The following COL17A1 variants were observed in gnomAD, a reference collection of about 807,000 sequenced individuals.
COL17A1 encodes the protein collagen alpha-1(XVII) chain.
In COL17A1, 181 loss-of-function variants were observed where a neutral mutation model predicts 218.4. The observed-to-expected ratio is 0.83, with a 90% CI of 0.73 to 0.94. The LOEUF is 0.94. COL17A1 is among the 40% of genes least tolerant of loss of function. The pLI is 0.00. For synonymous variants in COL17A1, 721 were observed against 731.0 expected (o/e 0.99, Z 0.22); for missense variants, 1,924 against 1,945.9 (o/e 0.99, Z 0.21).
chr10:104,043,335 C>T (rs1239742123), intron 35 of COL17A1, among the ~76,000 whole-genome samples, 166 bp downstream of exon 35: 1 of 152,186 alleles, frequency 6.6e-6, no homozygotes, highest in Non-Finnish European at 1.5e-5. Context: ...ACTGATCTAC[C>T]TCATTGTCTG....
At chr10:104,053,234 C>A in intron 22 of COL17A1, 99 bp from the exon 23 acceptor site, 2 of 1,310,996 alleles carry the variant, frequency 1.5e-6, no homozygotes. Context: ...TGGAGCCCTT[C>A]CCTGGCCTCC....
intron 55 of COL17A1, 46 bp from the exon 56 acceptor site, chr10:104,032,336 CT>C: frequency 6.4e-7 from 1 of 1,556,668 alleles, no homozygotes; most frequent in Non-Finnish European, 8.9e-7. Context: ...ATCTTGTGGC[CT>C]GTGGGGATCT....
At chr10:104,047,893 G>A in intron 30 of COL17A1, 83 bp from the exon 31 acceptor site, 1 of 1,433,892 alleles carries the variant, frequency 7.0e-7, no homozygotes, top group Non-Finnish European at 9.8e-7. Context: ...TAGTTTCTGA[G>A]GGTTTTCCTA....
In COL17A1 at chr10:104,071,956, G is replaced by GCACACA. The variant is rs112689627; in HGVS notation, c.463+70_463+75dup. ...TGCATGCATGCACACACACACGCAT[G>GCACACA]CACACACACACACACACACAGCACT... is the stretch of plus-strand genomic sequence containing the variant. On this transcript the variant is annotated intron_variant, in intron 8 of 55. Transcript: ENST00000648076. 17 of 1,407,672 alleles carry GCACACA rather than the reference G, an allele frequency of 1.2e-5. No homozygotes were observed. The African/African-American group carries it at 1.8e-4, about 15-fold the overall frequency. 87.2% of individuals were successfully genotyped at this position (1,407,672 alleles called of 1,614,324 possible).
chr10:104,035,817 AGT>A (rs1191290657), intron 48 of COL17A1, among the ~76,000 whole-genome samples: 2,571 of 18,558 alleles, frequency 0.14, 82 homozygotes, highest in African/African-American at 0.26. Context: ...TATGGGAGTG[AGT>A]GTGTGTGTGT....
chr10:104,039,678 T>A, intron 41 of COL17A1, 38 bp from the exon 42 acceptor site: 1 of 1,613,910 alleles, frequency 6.2e-7, no homozygotes, highest in Middle Eastern at 1.7e-4. Context: ...TCAGCCTCAC[T>A]TTTCTCACCC....
rs2134585473 is a variant in COL17A1, at chr10:104,041,069, G to C, written c.2697C>G (p.Asn899Lys). 6.2e-7 allele frequency: 1 copy of C among 1,614,176 alleles called. No homozygotes were observed. Among genetic ancestry groups the C allele is most frequent in the East Asian group, 2.2e-5 (1 of 44,882 alleles). ...PPGPPGSFLSNSETFLSGPPG... is the reference protein window; with the variant it reads ...PPGPPGSFLSKSETFLSGPPG... ...GACTTGACTCCCTGACATTACCTGA[G>C]TTGGACAGGAACGATCCTGGTGGGC... is the stretch of plus-strand genomic sequence containing the variant. Residue 899 changes from asparagine (N) to lysine (K), a missense_variant, in exon 39 of 56, where the codon AAC (asparagine) becomes AAG (lysine). Asn to Lys is a moderately conservative substitution (Grantham distance 94). Coordinates refer to ENST00000648076, the MANE Select transcript of COL17A1 (RefSeq NM_000494.4).
intron 45 of COL17A1, 25 bp from the exon 46 acceptor site, chr10:104,037,798 G>C (rs557971362): frequency 1.9e-6 from 3 of 1,611,636 alleles, no homozygotes; most frequent in South Asian, 2.2e-5. Flanking sequence ...ACAAAGCAAA[G>C]TCAAGCCTGT....
chr10:104,057,300 T>C (rs1260191952), intron 16 of COL17A1, 128 bp from the exon 17 acceptor site: 2 of 1,449,420 alleles, frequency 1.4e-6, no homozygotes, highest in African/African-American at 2.8e-5. Flanking sequence ...TCCTGTGCTG[T>C]TCCACCCAGG....
At position 104,050,248 on chromosome 10, in the gene COL17A1, A is replaced by G. The variant is rs571427787; in HGVS notation, c.2129-124T>C. On this transcript the variant is annotated intron_variant, in intron 27 of 55. Transcript: ENST00000648076. The stretch of plus-strand genomic sequence containing the variant: ...TGTATCCGTGAACTCCTGTCAGCGG[A>G]TGTTGGTGAGGACACAGCATTAATG... 4.0e-5 allele frequency: 56 copies of G among 1,414,072 alleles called. No homozygotes were observed. In the East Asian group the frequency reaches 1.1e-3, roughly 29 times the overall value. 87.6% of individuals were successfully genotyped at this position (1,414,072 alleles called of 1,614,324 possible).
At chr10:104,041,682 A>G (rs932715524) in intron 36 of COL17A1, 144 bp from the exon 37 acceptor site, 1 of 703,306 alleles carries the variant, frequency 1.4e-6, no homozygotes, top group South Asian at 1.8e-5. Context: ...TCATGGCACA[A>G]GAGCCTGCAG....
intron 16 of COL17A1, 46 bp from the exon 17 acceptor site, chr10:104,057,218 C>A (rs1436634309): frequency 1.2e-6 from 2 of 1,613,566 alleles, no homozygotes; most frequent in Admixed American, 3.3e-5. Flanking sequence ...GCAGCTCCTG[C>A]CTTTTCCCTC....
At chr10:104,064,953 G>A (rs543676745) in intron 9 of COL17A1, among the ~76,000 whole-genome samples, 5 of 152,146 alleles carry the variant, frequency 3.3e-5, no homozygotes, top group Admixed American at 1.3e-4. Context: ...CTTCAAAGAC[G>A]CTGAGGGAAC....
intron 53 of COL17A1, 123 bp downstream of exon 53, chr10:104,033,115 C>T (rs960032224): frequency 6.6e-7 from 1 of 1,519,320 alleles, no homozygotes; most frequent in African/African-American, 1.4e-5. Flanking sequence ...TAGAATTTGT[C>T]TAATTTTGAG....
chr10:104,062,837 G>A (rs1463107161), intron 11 of COL17A1, among the ~76,000 whole-genome samples: 1 of 152,118 alleles, frequency 6.6e-6, no homozygotes, highest in Non-Finnish European at 1.5e-5. Flanking sequence ...AAGGCTCCTT[G>A]TTTATTTGAT....
Position 104,032,967 on chromosome 10 carries a change from A to G in COL17A1, c.4296T>C (p.Thr1432=), listed in dbSNP as rs571566750. The change falls in exon 54 of 56, where the codon ACT becomes ACC. Residue 1432 remains threonine, a splice_region_variant and synonymous_variant. Transcript: ENST00000648076. The part of the protein sequence containing the change: ...VTADLMDFFQ[T]YGAIQGPPGQ... Reference sequence around the variant, plus strand: ...CAGGGGGTCCTTGAATGGCTCCATAAGCTGCAAAAGCAAGGAAACACTGGC... The same window carrying G: ...CAGGGGGTCCTTGAATGGCTCCATAGGCTGCAAAAGCAAGGAAACACTGGC... 1,044 of 1,613,710 alleles carry G rather than the reference A, an allele frequency of 6.5e-4. 15 individuals are homozygous for G. The South Asian group carries it at 6.8e-3, about 11-fold the overall frequency.
chr10:104,069,157 T>C (rs2086650383), intron 9 of COL17A1, among the ~76,000 whole-genome samples: 1 of 152,100 alleles, frequency 6.6e-6, no homozygotes, highest in African/African-American at 2.4e-5. Flanking sequence ...TTAAGGCCAT[T>C]TCAAAGCATT....
chr10:104,039,685 AC>A, intron 41 of COL17A1, 45 bp from the exon 42 acceptor site: 1 of 1,613,104 alleles, frequency 6.2e-7, no homozygotes, highest in Non-Finnish European at 8.5e-7. Context: ...CACTTTTCTC[AC>A]CCACTAACAG....
chr10:104,081,410 A>G (rs1053114774), intron 1 of COL17A1, among the ~76,000 whole-genome samples: 10 of 152,160 alleles, frequency 6.6e-5, no homozygotes, highest in African/African-American at 2.2e-4. Context: ...GAAAAAGAAA[A>G]CCAGTGCAAT....
Sources: allele counts gnomAD v4.1 joint callset (sites outside exome capture counted in the v4.1 genomes callset), GRCh38; gene constraint gnomAD v4.1.1; transcripts MANE v1.5; gene names NCBI Gene and HGNC (gene_info 2026-07-23, HGNC 2026-07-21).